Variants in CSNK2A1 observed in about 807,000 individuals in gnomAD.
CSNK2A1 encodes the protein casein kinase 2 alpha 1.
CSNK2A1 carries 10 observed loss-of-function variants against 62.9 expected under a neutral mutation model. The observed-to-expected ratio is 0.16, with a 90% CI of 0.10 to 0.27. The LOEUF is 0.27. Ranked by LOEUF, CSNK2A1 falls within the 10% of genes least tolerant of loss-of-function variation. The pLI, the probability that CSNK2A1 is intolerant of heterozygous loss-of-function variation, is 1.00. For missense variants in CSNK2A1, 160 were observed against 492.0 expected (o/e 0.33, Z 6.38); for synonymous variants, 124 against 167.8 (o/e 0.74, Z 2.02).
intron 8 of CSNK2A1, 176 bp downstream of exon 8, chr20:495,543 G>C (rs924930425): frequency 9.4e-6 from 5 of 530,568 alleles, no homozygotes; most frequent in Admixed American, 6.0e-5. Context: ...ATATTCTTAG[G>C]AATATAAATA....
intron 2 of CSNK2A1, among the ~76,000 whole-genome samples, chr20:517,664 C>T (rs553717775): frequency 6.6e-6 from 1 of 152,036 alleles, no homozygotes; most frequent in South Asian, 2.1e-4. Flanking sequence ...AACATTAAAA[C>T]AAGAAATTGC....
chr20:525,544 A>G (rs571759066), intron 2 of CSNK2A1, among the ~76,000 whole-genome samples: 119 of 150,518 alleles, frequency 7.9e-4, no homozygotes, highest in Middle Eastern at 3.5e-3. Context: ...CCAGCTACTC[A>G]GGAGGCTGAG....
At chr20:525,995 G>A (rs2019079990) in intron 2 of CSNK2A1, among the ~76,000 whole-genome samples, 1 of 151,490 alleles carries the variant, frequency 6.6e-6, no homozygotes, top group South Asian at 2.1e-4. Context: ...ACATAGCAAG[G>A]CCCTGATTCG....
In CSNK2A1 at chr20:483,683, G is replaced by A. The variant is rs758275716; in HGVS notation, c.*278C>T. 5.4e-5 allele frequency: 12 copies of A among 220,644 alleles called. No individual in the cohort carries two copies. Among genetic ancestry groups the A allele is most frequent in the Admixed American group, 2.9e-4 (5 of 17,338 alleles). The allele number at this position is 220,644 out of a possible 1,614,324, so 13.7% of individuals were successfully genotyped here. On this transcript the variant is annotated 3_prime_UTR_variant, in exon 14 of 14. Transcript: ENST00000217244. ...TTGTGATGAGGAACTAAATTTGGGAGGGGAGAAAAAAAAATTTGTCCATGA... is the reference window on the plus strand; with the variant it reads ...TTGTGATGAGGAACTAAATTTGGGAAGGGAGAAAAAAAAATTTGTCCATGA...
In CSNK2A1 at chr20:492,585, CAA is replaced by C; in HGVS notation, c.511-223_511-222del. 7.5e-6 allele frequency: 4 copies of C among 530,058 alleles called. No individual in the cohort carries two copies. The South Asian group carries it at 1.0e-4, about 13-fold the overall frequency. The allele number at this position is 530,058 out of a possible 1,614,324, so 32.8% of individuals were successfully genotyped here. A position where few individuals can be genotyped will look rare whatever the true frequency, so the allele number is the denominator to read the frequency against. Reference sequence around the variant, plus strand: ...AGACACAATCTCACCTGTGCTTTTACAAATTTCTTAAACTGCTCAATGACTAA... The same window carrying C: ...AGACACAATCTCACCTGTGCTTTTACATTTCTTAAACTGCTCAATGACTAA... On this transcript the variant is annotated intron_variant, in intron 8 of 13. Transcript: ENST00000217244.
chr20:478,694 C>A lies in CSNK2A1; in HGVS notation c.*5267G>T. 1 of 407,204 alleles carries A rather than the reference C, an allele frequency of 2.5e-6. No individual in the cohort carries two copies. The highest frequency in any genetic ancestry group is 4.8e-6 in the Non-Finnish European group (1 of 206,558). 25.2% of individuals were successfully genotyped at this position (407,204 alleles called of 1,614,324 possible). A position where few individuals can be genotyped will look rare whatever the true frequency, so the allele number is the denominator to read the frequency against. ...CTCTAATCTCAGCACTTTGGGAGGCCAAGGCGGGTAGACTGTTGAGCTCAG... is the reference window on the plus strand; with the variant it reads ...CTCTAATCTCAGCACTTTGGGAGGCAAAGGCGGGTAGACTGTTGAGCTCAG... On this transcript the variant is annotated 3_prime_UTR_variant, in exon 14 of 14. Transcript: ENST00000217244.
intron 8 of CSNK2A1, chr20:494,455 AG>A (rs1224699831): frequency 6.6e-6 from 1 of 152,242 alleles, no homozygotes; most frequent in Non-Finnish European, 1.5e-5. Flanking sequence ...TAGCTTTTCA[AG>A]AAACCAACCA....
chr20:487,626 C>T, intron 11 of CSNK2A1, 51 bp from the exon 12 acceptor site: 1 of 1,611,356 alleles, frequency 6.2e-7, no homozygotes, highest in Non-Finnish European at 8.5e-7. Flanking sequence ...GCACAGAAGC[C>T]CAACATTTCA....
At chr20:488,599 C>G in intron 11 of CSNK2A1, 79 bp downstream of exon 11, 2 of 1,398,228 alleles carry the variant, frequency 1.4e-6, no homozygotes, top group African/African-American at 1.4e-5. Flanking sequence ...GAAAACATAA[C>G]TATTTTGAAG....
At chr20:529,498 T>C (rs568282218) in intron 1 of CSNK2A1, among the ~76,000 whole-genome samples, 2 of 152,328 alleles carry the variant, frequency 1.3e-5, no homozygotes, top group African/African-American at 4.8e-5. Flanking sequence ...GTGCTTGTCT[T>C]CAAGTTACCC....
chr20:521,830 C>T (rs1326569412), intron 2 of CSNK2A1, among the ~76,000 whole-genome samples: 1 of 152,166 alleles, frequency 6.6e-6, no homozygotes, highest in Admixed American at 6.5e-5. Flanking sequence ...CTCAAGTAAT[C>T]CTTTGGCTTC....
intron 13 of CSNK2A1, among the ~76,000 whole-genome samples, chr20:485,159 TCTCCACTC>T (rs1386177754): frequency 1.6e-5 from 2 of 124,034 alleles, no homozygotes; most frequent in African/African-American, 6.0e-5. Context: ...TATACATTCT[TCTCCACTC>T]CTCTTAGACA....
intron 1 of CSNK2A1, among the ~76,000 whole-genome samples, chr20:531,063 GAA>G (rs2019202174): frequency 6.6e-6 from 1 of 152,094 alleles, no homozygotes; most frequent in Non-Finnish European, 1.5e-5. Context: ...CAGCCTGGGT[GAA>G]AAGAGTGAAA....
intron 12 of CSNK2A1, 185 bp downstream of exon 12, chr20:487,242 C>A: frequency 1.3e-6 from 1 of 752,370 alleles, no homozygotes. Context: ...GTCATGTATT[C>A]TGTTACAGAA....
chr20:491,581 G>A (rs1423020832), intron 9 of CSNK2A1, among the ~76,000 whole-genome samples: 1 of 152,120 alleles, frequency 6.6e-6, no homozygotes, highest in Non-Finnish European at 1.5e-5. Context: ...TAAGCTGGAA[G>A]GATCACTTGA....
chr20:488,408 T>C, intron 11 of CSNK2A1: 1 of 347,092 alleles, frequency 2.9e-6, no homozygotes, highest in Non-Finnish European at 5.3e-6. Flanking sequence ...TTGCCTCAAC[T>C]GTAACCCTTC....
At chr20:534,825 T>TA (rs1259223947) in intron 1 of CSNK2A1, among the ~76,000 whole-genome samples, 7 of 149,332 alleles carry the variant, frequency 4.7e-5, no homozygotes, top group African/African-American at 9.9e-5. Context: ...GCTCAGGTGT[T>TA]AGAGACCAGC....
chr20:504,724 T>TA, intron 4 of CSNK2A1: 1 of 178,180 alleles, frequency 5.6e-6, no homozygotes, highest in Non-Finnish European at 1.2e-5. Context: ...CTAGCTGCAC[T>TA]AATATCATCT....
chr20:502,168 G>A (rs1173056976), intron 4 of CSNK2A1: 1 of 152,210 alleles, frequency 6.6e-6, no homozygotes, highest in East Asian at 1.9e-4. Flanking sequence ...CCAATAAACA[G>A]AAGCTATTTT....
Sources: allele counts gnomAD v4.1 joint callset (sites outside exome capture counted in the v4.1 genomes callset), GRCh38; gene constraint gnomAD v4.1.1; transcripts MANE v1.5; gene names NCBI Gene and HGNC (gene_info 2026-07-23, HGNC 2026-07-21).